Variants in AMTN observed in about 807,000 individuals in gnomAD.
AMTN encodes the protein RSTI689.
A neutral mutation model predicts 27.4 loss-of-function variants in AMTN; 29 were observed. The ratio of observed to expected loss-of-function variants is 1.06; its 90% CI spans 0.79 to 1.44. The LOEUF (loss-of-function observed/expected upper bound fraction) is 1.44. AMTN is among the 40% of genes most tolerant of loss of function. The pLI is 0.00. For missense variants in AMTN, 247 were observed against 248.8 expected, an observed-to-expected ratio of 0.99 and a Z score of 0.05; for synonymous variants, 86 against 95.7, an observed-to-expected ratio of 0.90 and a Z score of 0.59.
At position 70,531,076 on chromosome 4, in the gene AMTN, TC is replaced by T; in HGVS notation, c.398del (p.Pro133ArgfsTer28). On this transcript the variant is annotated frameshift_variant, in exon 8 of 9. Transcript: ENST00000339336. LOFTEE classifies it high-confidence loss of function. ...IFTSLIIHSL[F>X]PGGILPTSQA... ...ACGAGCCTCATCATCCATTCCTTGT[TC>T]CCGGGAGGCATCCTGCCCACCAGTC... The T allele has an allele frequency of 6.2e-7, 1 of 1,614,104 alleles. No homozygotes were observed. The highest frequency in any genetic ancestry group is 8.5e-7 in the Non-Finnish European group (1 of 1,179,994).
intron 2 of AMTN, among the ~76,000 whole-genome samples, chr4:70,519,703 T>TTTA (rs1276984148): frequency 8.3e-5 from 12 of 145,302 alleles, no homozygotes; most frequent in African/African-American, 2.9e-4. Context: ...CATTAATTTT[T>TTTA]TTTTTAACTT....
At chr4:70,527,970 C>T (rs1336342101) in intron 5 of AMTN, among the ~76,000 whole-genome samples, 1 of 152,182 alleles carries the variant, frequency 6.6e-6, no homozygotes, top group Non-Finnish European at 1.5e-5. Flanking sequence ...TTTATTTTAA[C>T]AGCAAGATGT....
intron 5 of AMTN, among the ~76,000 whole-genome samples, chr4:70,527,626 A>G (rs1458642128): frequency 6.6e-6 from 1 of 152,218 alleles, no homozygotes; most frequent in Non-Finnish European, 1.5e-5. Flanking sequence ...GGGAAACAAT[A>G]GTTAACAGTC....
Position 70,532,677 on chromosome 4 carries a change from C to T in AMTN, c.*212C>T, listed in dbSNP as rs1736250351. 2.0e-6 allele frequency: 1 copy of T among 497,800 alleles called. No homozygotes were observed. Among genetic ancestry groups the T allele is most frequent in the Non-Finnish European group, 3.5e-6 (1 of 282,328 alleles). 30.8% of individuals were successfully genotyped at this position (497,800 alleles called of 1,614,324 possible). On this transcript the variant is annotated 3_prime_UTR_variant, in exon 9 of 9. Coordinates refer to ENST00000339336, the MANE Select transcript of AMTN (RefSeq NM_212557.4). ...AAAAACAATAATTCAATGGATAAAT[C>T]TGTCTTTGAAATATAACATTATGCT...
intron 8 of AMTN, 77 bp downstream of exon 8, chr4:70,531,377 T>C: frequency 6.4e-7 from 1 of 1,563,440 alleles, no homozygotes; most frequent in South Asian, 1.2e-5. Flanking sequence ...GTTCTTTGTC[T>C]TGCCTTGACA....
intron 5 of AMTN, among the ~76,000 whole-genome samples, chr4:70,527,525 G>C (rs1736125622): frequency 6.6e-6 from 1 of 152,136 alleles, no homozygotes; most frequent in African/African-American, 2.4e-5. Flanking sequence ...AGTAGAGAAG[G>C]ACCTGATTGT....
At chr4:70,528,140 T>C (rs990817759) in intron 5 of AMTN, among the ~76,000 whole-genome samples, 1 of 152,152 alleles carries the variant, frequency 6.6e-6, no homozygotes, top group East Asian at 1.9e-4. Context: ...TTTGGAGACT[T>C]CTTGAGAACA....
chr4:70,524,822 T>C (rs199808588), intron 4 of AMTN, 50 bp from the exon 5 acceptor site: 9 of 1,556,134 alleles, frequency 5.8e-6, no homozygotes, highest in Middle Eastern at 3.4e-4. Flanking sequence ...GTTTCCTAAA[T>C]GTCCAAACTG....
At chr4:70,532,378 C>T in intron 8 of AMTN, 77 bp from the exon 9 acceptor site, 2 of 1,219,712 alleles carry the variant, frequency 1.6e-6, no homozygotes, top group Non-Finnish European at 2.3e-6. Flanking sequence ...GCAAAAGAAA[C>T]TTGGATCTCA....
rs149009807 is a variant in AMTN, at chr4:70,528,646, T to A, written c.295-77T>A. On this transcript the variant is annotated intron_variant, in intron 5 of 8. Coordinates refer to ENST00000339336, the MANE Select transcript of AMTN (RefSeq NM_212557.4). ...GCCTGGGCAACAGAGCAAGACTCCA[T>A]CTCCAAAAAAAGATATCAGTATTTA... 1.7e-5 allele frequency: 22 copies of A among 1,315,314 alleles called. No individual in the cohort carries two copies. The East Asian group carries it at 5.1e-4, about 31-fold the overall frequency. 81.5% of individuals were successfully genotyped at this position (1,315,314 alleles called of 1,614,324 possible). A position where few individuals can be genotyped will look rare whatever the true frequency, so the allele number is the denominator to read the frequency against.
chr4:70,532,415 C>A, intron 8 of AMTN, 40 bp from the exon 9 acceptor site: 1 of 1,514,254 alleles, frequency 6.6e-7, no homozygotes, highest in Non-Finnish European at 9.1e-7. Flanking sequence ...GTTAAATATA[C>A]TTTTTACCTA....
At chr4:70,524,350 C>T (rs1736048088) in intron 4 of AMTN, among the ~76,000 whole-genome samples, 1 of 152,188 alleles carries the variant, frequency 6.6e-6, no homozygotes, top group Non-Finnish European at 1.5e-5. Context: ...TATAGATCTT[C>T]AGCCCTCTCA....
chr4:70,526,625 T>C (rs1345758579), intron 5 of AMTN, among the ~76,000 whole-genome samples: 1 of 152,212 alleles, frequency 6.6e-6, no homozygotes, highest in East Asian at 1.9e-4. Context: ...GTGATCATAC[T>C]ATAATCTACA....
chr4:70,527,074 T>C (rs886903997), intron 5 of AMTN, among the ~76,000 whole-genome samples: 2 of 152,204 alleles, frequency 1.3e-5, no homozygotes, highest in Non-Finnish European at 2.9e-5. Context: ...TTATTACTTA[T>C]ATGATGTTGG....
chr4:70,523,865 C>T lies in AMTN; in HGVS notation c.139-3C>T, dbSNP rs367591948. The T allele has an allele frequency of 3.7e-6, 6 of 1,613,038 alleles. No homozygotes were observed. Among genetic ancestry groups the T allele is most frequent in the South Asian group, 1.1e-5 (1 of 90,982 alleles). On this transcript the variant is annotated splice_region_variant and splice_polypyrimidine_tract_variant and intron_variant, in intron 3 of 8. Transcript: ENST00000339336. ...CTCATACATCACTTTCAATCCCCTG[C>T]AGGTCTTTCCTTCTTTAAGTCTGAT... is the stretch of plus-strand genomic sequence containing the variant.
chr4:70,523,874 C>G lies in AMTN; in HGVS notation c.145C>G (p.Pro49Ala). 1.1e-5 allele frequency: 17 copies of G among 1,613,602 alleles called. No individual in the cohort carries two copies. The highest frequency in any genetic ancestry group is 1.4e-5 in the Non-Finnish European group (17 of 1,179,620). ...PNQQQSNQVF[P>A]SLSLIPLTQM... is the part of the protein sequence containing the mutation. ...CACTTTCAATCCCCTGCAGGTCTTT[C>G]CTTCTTTAAGTCTGATACCATTAAC... is the stretch of plus-strand genomic sequence containing the variant. The change falls in exon 4 of 9, where the codon CCT (proline) becomes GCT (alanine). Residue 49 changes from proline to alanine, a missense_variant. Pro to Ala is a conservative substitution (Grantham distance 27). Coordinates refer to ENST00000339336, the MANE Select transcript of AMTN (RefSeq NM_212557.4).
At chr4:70,530,026 A>G (rs976700007) in intron 7 of AMTN, among the ~76,000 whole-genome samples, 1 of 152,184 alleles carries the variant, frequency 6.6e-6, no homozygotes, top group Non-Finnish European at 1.5e-5. Context: ...CAAAGCACAA[A>G]GCAGATATTT....
intron 5 of AMTN, among the ~76,000 whole-genome samples, chr4:70,526,813 T>C (rs945168686): frequency 1.3e-5 from 2 of 152,124 alleles, no homozygotes; most frequent in African/African-American, 4.8e-5. Context: ...TGTGCAATAT[T>C]ATAAATCAGT....
In AMTN at chr4:70,531,069, T is replaced by A. The variant is rs1457197098; in HGVS notation, c.388T>A (p.Ser130Thr). 6.2e-7 allele frequency: 1 copy of A among 1,614,092 alleles called. No individual in the cohort carries two copies. The highest frequency in any genetic ancestry group is 1.7e-5 in the Admixed American group (1 of 60,018). Residue 130 changes from serine to threonine, a missense_variant, in exon 8 of 9, where the codon TCC becomes ACC. By Grantham distance (58) the Ser-to-Thr change is moderately conservative. Coordinates refer to ENST00000339336, the MANE Select transcript of AMTN (RefSeq NM_212557.4). The stretch of plus-strand genomic sequence containing the variant: ...AATCTTCACGAGCCTCATCATCCAT[T>A]CCTTGTTCCCGGGAGGCATCCTGCC... Reference protein sequence around the residue: ...PQIFTSLIIHSLFPGGILPTS... With the variant: ...PQIFTSLIIHTLFPGGILPTS...
Sources: allele counts gnomAD v4.1 joint callset (sites outside exome capture counted in the v4.1 genomes callset), GRCh38; gene constraint gnomAD v4.1.1; transcripts MANE v1.5; gene names NCBI Gene and HGNC (gene_info 2026-07-23, HGNC 2026-07-21).